The following SYT9 variants were observed in gnomAD, a reference collection of about 807,000 sequenced individuals.
The protein encoded by SYT9 is synaptotagmin-9.
SYT9 carries 22 observed loss-of-function variants against 48.4 expected under a neutral mutation model. The observed-to-expected ratio is 0.45, with a 90% confidence interval of 0.32 to 0.65. The LOEUF (loss-of-function observed/expected upper bound fraction) is 0.65. Among genes scored for constraint, SYT9 ranks in the 30% least tolerant of loss-of-function variants. The pLI, the probability that SYT9 is intolerant of heterozygous loss-of-function variation, is 0.03. For missense variants in SYT9, 577 were observed against 622.0 expected, an observed-to-expected ratio of 0.93 and a Z score of 0.77; for synonymous variants, 265 against 245.0, an observed-to-expected ratio of 1.08 and a Z score of -0.76.
intron 3 of SYT9, among the ~76,000 whole-genome samples, chr11:7,388,104 A>G (rs1319506427): frequency 2.0e-5 from 3 of 152,186 alleles, no homozygotes; most frequent in African/African-American, 7.2e-5. Context: ...TGTTTAATAG[A>G]ATTCACCAGT....
intron 3 of SYT9, among the ~76,000 whole-genome samples, chr11:7,407,473 C>T (rs570818499): frequency 8.1e-5 from 8 of 98,318 alleles, no homozygotes; most frequent in South Asian, 2.5e-4. Context: ...CTCCGCTTCC[C>T]GGGTTCACGC....
At chr11:7,266,569 C>A (rs78294883) in intron 1 of SYT9, among the ~76,000 whole-genome samples, 2,658 of 152,234 alleles carry the variant, frequency 0.017, 40 homozygotes, top group Middle Eastern at 0.024. Context: ...AAGATTAAAA[C>A]TGCAGCTCTT....
At chr11:7,296,573 T>C (rs1848811716) in intron 1 of SYT9, among the ~76,000 whole-genome samples, 2 of 152,232 alleles carry the variant, frequency 1.3e-5, no homozygotes, top group Non-Finnish European at 2.9e-5. Context: ...TTCTTCCTCC[T>C]TCTTCTTCCT....
At chr11:7,328,034 G>T (rs1849464181) in intron 3 of SYT9, among the ~76,000 whole-genome samples, 1 of 132,484 alleles carries the variant, frequency 7.5e-6, no homozygotes, top group Admixed American at 7.7e-5. Flanking sequence ...TAACTAACCT[G>T]CACAATGTGC....
At chr11:7,271,125 A>G (rs1848288847) in intron 1 of SYT9, among the ~76,000 whole-genome samples, 1 of 152,034 alleles carries the variant, frequency 6.6e-6, no homozygotes, top group African/African-American at 2.4e-5. Context: ...AAGCTATTTT[A>G]TTGTTATAGA....
intron 3 of SYT9, among the ~76,000 whole-genome samples, chr11:7,365,562 T>C (rs1253251457): frequency 6.6e-6 from 1 of 152,166 alleles, no homozygotes; most frequent in East Asian, 1.9e-4. Flanking sequence ...CCACGAAGCC[T>C]AACACCTCCT....
chr11:7,394,029 T>C (rs1351864145), intron 3 of SYT9, among the ~76,000 whole-genome samples: 1 of 151,946 alleles, frequency 6.6e-6, no homozygotes, highest in East Asian at 1.9e-4. Flanking sequence ...GTTACATATG[T>C]ATAGATGTGC....
chr11:7,452,536 G>A (rs1848074316), intron 6 of SYT9, among the ~76,000 whole-genome samples: 1 of 152,118 alleles, frequency 6.6e-6, no homozygotes, highest in Non-Finnish European at 1.5e-5. Flanking sequence ...GATCTCACTG[G>A]GGTTTCCACA....
At chr11:7,444,131 C>G (rs1310880659) in intron 6 of SYT9, 2 of 152,186 alleles carry the variant, frequency 1.3e-5, no homozygotes, top group Non-Finnish European at 2.9e-5. Context: ...TCAGCCTGCT[C>G]TCTAATCCTC....
chr11:7,412,653 A>G (rs1305902709), intron 3 of SYT9, among the ~76,000 whole-genome samples: 1 of 152,146 alleles, frequency 6.6e-6, no homozygotes, highest in East Asian at 1.9e-4. Context: ...CTGGGCTTCC[A>G]GGTGGCTTGC....
chr11:7,375,268 A>T (rs576543208), intron 3 of SYT9, among the ~76,000 whole-genome samples: 2 of 152,128 alleles, frequency 1.3e-5, no homozygotes, highest in African/African-American at 4.8e-5. Context: ...GTTCTGTTCT[A>T]TTGGTCTATG....
At chr11:7,251,386 A>T (rs138325782), upstream of SYT9, among the ~76,000 whole-genome samples, 272 of 152,244 alleles carry the variant, frequency 1.8e-3, no homozygotes, top group African/African-American at 5.8e-3. Context: ...TCTGACCTAG[A>T]GCCTCCACCT....
chr11:7,252,180 G>A lies in SYT9; in HGVS notation c.-7G>A, dbSNP rs1240083611. On this transcript the variant is annotated 5_prime_UTR_variant, in exon 1 of 7. Transcript: ENST00000318881. This position sits in a 1 kb window ranked among gnomAD's most constrained non-coding sequence, Gnocchi z 6.3. ...TGCCCGGCGCGGTCCGAGGATGCGG[G>A]GGGGCGATGCCCGGGGCCAGGGACG... 4.9e-6 allele frequency: 7 copies of A among 1,442,288 alleles called. No homozygotes were observed. Among genetic ancestry groups the A allele is most frequent in the Non-Finnish European group, 6.4e-6 (7 of 1,099,824 alleles). 89.3% of individuals were successfully genotyped at this position (1,442,288 alleles called of 1,614,324 possible).
Position 7,318,902 on chromosome 11 carries a change from G to T in SYT9, c.1044+4961G>T, listed in dbSNP as rs566105643. Among the ~76,000 whole-genome samples the T allele has an allele frequency of 2.6e-5, 4 of 152,146 alleles. No individual in the cohort carries two copies. In the South Asian group the frequency reaches 8.3e-4, roughly 32 times the overall value. On this transcript the variant is annotated intron_variant, in intron 3 of 6. Transcript: ENST00000318881. ...TCATTTAGCATTTTATTTCTTCTGT[G>T]CTCATGAGTGATGCATGTAATATGC... is the stretch of plus-strand genomic sequence containing the variant.
intron 6 of SYT9, among the ~76,000 whole-genome samples, chr11:7,426,758 G>A (rs1235698346): frequency 6.6e-6 from 1 of 151,966 alleles, no homozygotes; most frequent in Non-Finnish European, 1.5e-5. Context: ...TACCTGTCTG[G>A]TGGAAACAAT....
chr11:7,265,668 CTTTT>C (rs386353084), intron 1 of SYT9, among the ~76,000 whole-genome samples: 1 of 144,990 alleles, frequency 6.9e-6, no homozygotes. Context: ...ATCATGGATT[CTTTT>C]TTTTTTTTTT....
chr11:7,428,181 G>A (rs982639993), intron 6 of SYT9: 1 of 152,284 alleles, frequency 6.6e-6, no homozygotes, highest in East Asian at 1.9e-4. Context: ...AACACTAGAG[G>A]TATAAAAGAT....
intron 3 of SYT9, among the ~76,000 whole-genome samples, chr11:7,324,624 G>A (rs1392726709): frequency 6.6e-6 from 1 of 151,786 alleles, no homozygotes. Flanking sequence ...GCATCTTCTA[G>A]CATCAAATAT....
At chr11:7,383,868 A>T (rs1193829364) in intron 3 of SYT9, among the ~76,000 whole-genome samples, 1 of 152,188 alleles carries the variant, frequency 6.6e-6, no homozygotes, top group East Asian at 1.9e-4. Context: ...GTTTTTAAAT[A>T]CAAGTGAAGT....
Sources: allele counts gnomAD v4.1 joint callset (sites outside exome capture counted in the v4.1 genomes callset), GRCh38; gene constraint gnomAD v4.1.1; non-coding constraint Gnocchi (gnomAD v3.1); transcripts MANE v1.5; gene names NCBI Gene and HGNC (gene_info 2026-07-23, HGNC 2026-07-21).